RSPH6A: variants seen among roughly 807,000 people sequenced by gnomAD.
RSPH6A encodes radial spoke head protein 6 homolog A.
RSPH6A carries 49 observed loss-of-function variants against 66.1 expected under a neutral mutation model. That is an observed-to-expected ratio of 0.74 (90% CI 0.59 to 0.94). The LOEUF is 0.94. Ranked by LOEUF, RSPH6A falls within the 40% of genes least tolerant of loss-of-function variation. The pLI, the probability that RSPH6A is intolerant of heterozygous loss-of-function variation, is 0.00. For missense variants in RSPH6A, 977 were observed against 948.3 expected, an observed-to-expected ratio of 1.03 and a Z score of -0.40; for synonymous variants, 419 against 402.4, an observed-to-expected ratio of 1.04 and a Z score of -0.49.
chr19:45,803,260 G>A (rs1290985167), intron 3 of RSPH6A, among the ~76,000 whole-genome samples: 2 of 150,428 alleles, frequency 1.3e-5, no homozygotes, highest in Admixed American at 6.6e-5. Context: ...TGTGCCTGTA[G>A]TCCTAACTAC....
intron 1 of RSPH6A, among the ~76,000 whole-genome samples, chr19:45,813,629 G>A (rs1185549179): frequency 6.6e-6 from 1 of 152,220 alleles, no homozygotes; most frequent in Non-Finnish European, 1.5e-5. Flanking sequence ...ACAGGCGTGA[G>A]CCACCGCACC....
chr19:45,810,866 G>A, intron 1 of RSPH6A, 26 bp from the exon 2 acceptor site: 4 of 1,571,618 alleles, frequency 2.5e-6, no homozygotes, highest in Non-Finnish European at 3.5e-6. Context: ...GGAGTGGGAG[G>A]AGAGGGACCT....
At chr19:45,802,049 G>A (rs112763070) in intron 4 of RSPH6A, 71 bp downstream of exon 4, 2 of 1,333,600 alleles carry the variant, frequency 1.5e-6, no homozygotes, top group African/African-American at 1.5e-5. Flanking sequence ...GACCCCAGCA[G>A]TCCAGCCACC....
rs534380433 is a variant in RSPH6A at position 45,804,360 on chromosome 19, A to G, written c.1545T>C (p.Ala515=). 212 of 1,614,196 alleles carry G rather than the reference A, an allele frequency of 1.3e-4. 1 individual carries two copies. The East Asian group carries it at 4.3e-3, about 33-fold the overall frequency. The part of the protein sequence containing the change: ...EEGDEEEEGG[A]GRDSYEENPD... ...GGTTCTCCTCGTAGGAGTCGCGCCC[A>G]GCACCACCTTCCTCCTCCTCGTCGC... The change falls in exon 3 of 6, where the codon GCT becomes GCC. Residue 515 remains alanine, a synonymous_variant. Transcript: ENST00000221538. The surrounding 1 kb of genome is among the most constrained non-coding windows in gnomAD (Gnocchi z 5.8).
At position 45,810,618 on chromosome 19, in the gene RSPH6A, C is replaced by T. The variant is rs759344577; in HGVS notation, c.873G>A (p.Glu291=). Residue 291 remains glutamate (E), a synonymous_variant, in exon 2 of 6, where the codon GAG becomes GAA. Transcript: ENST00000221538. ...RSGGGTEGEQ[E]MEEEVGETPV... is the part of the protein sequence containing the mutation. The stretch of plus-strand genomic sequence containing the variant: ...GCTCACTCACCACCTCCTCCTCCAT[C>T]TCCTGTTCGCCTTCAGTGCCGCCTC... 3 of 1,614,110 alleles carry T rather than the reference C, an allele frequency of 1.9e-6. No individual in the cohort carries two copies. Among genetic ancestry groups the T allele is most frequent in the South Asian group, 1.1e-5 (1 of 91,078 alleles).
chr19:45,813,147 T>C (rs1243018233), intron 1 of RSPH6A, among the ~76,000 whole-genome samples: 1 of 152,028 alleles, frequency 6.6e-6, no homozygotes, highest in Non-Finnish European at 1.5e-5. Flanking sequence ...TTTCTCCCGC[T>C]CTCCCTCTTC....
chr19:45,804,246 G>A lies in RSPH6A; in HGVS notation c.1653+6C>T, dbSNP rs1405556143. 1.3e-6 allele frequency: 2 copies of A among 1,594,328 alleles called. No individual in the cohort carries two copies. Among genetic ancestry groups the A allele is most frequent in the South Asian group, 1.1e-5 (1 of 89,822 alleles). On this transcript the variant is annotated splice_donor_region_variant and intron_variant, in intron 3 of 5. Transcript: ENST00000221538. The surrounding 1 kb of genome is among the most constrained non-coding windows in gnomAD (Gnocchi z 5.8). ...GTTTGTGAGAGGCGGGAGTCCCGGC[G>A]CTCACCTGCGGCAGGATGTGCTGTG...
At chr19:45,796,634 T>A (rs992635770) in intron 5 of RSPH6A, among the ~76,000 whole-genome samples, 1 of 151,724 alleles carries the variant, frequency 6.6e-6, no homozygotes, top group Non-Finnish European at 1.5e-5. Flanking sequence ...CACCTCAGCT[T>A]CCCAAGTAGC....
chr19:45,797,995 A>G (rs1600470945), intron 5 of RSPH6A, among the ~76,000 whole-genome samples: 3 of 152,118 alleles, frequency 2.0e-5, no homozygotes, highest in African/African-American at 7.2e-5. Flanking sequence ...TTAACTAGAG[A>G]AGGAAGAGGA....
intron 1 of RSPH6A, among the ~76,000 whole-genome samples, chr19:45,811,510 T>A (rs1414682200): frequency 6.6e-6 from 1 of 151,422 alleles, no homozygotes; most frequent in Non-Finnish European, 1.5e-5. Flanking sequence ...CGACCTCAGC[T>A]CGCTGCAGTC....
chr19:45,807,186 C>T (rs1352193451), intron 2 of RSPH6A, among the ~76,000 whole-genome samples: 4 of 151,330 alleles, frequency 2.6e-5, no homozygotes, highest in African/African-American at 9.7e-5. Context: ...GCCACTGTGC[C>T]TGGCATATTA....
chr19:45,796,803 A>G (rs1295047713), intron 5 of RSPH6A, among the ~76,000 whole-genome samples: 1 of 151,810 alleles, frequency 6.6e-6, no homozygotes, highest in Non-Finnish European at 1.5e-5. Flanking sequence ...ATGAGCCACC[A>G]TGCCTGGCCT....
chr19:45,803,695 A>AAAG (rs202073108), intron 3 of RSPH6A, among the ~76,000 whole-genome samples: 9,283 of 148,484 alleles, frequency 0.063, 369 homozygotes, highest in African/African-American at 0.11. Context: ...AAAGAAAAGA[A>AAAG]AAAAAAAAAA....
chr19:45,812,080 C>T (rs541576440), intron 1 of RSPH6A, among the ~76,000 whole-genome samples: 2 of 135,632 alleles, frequency 1.5e-5, no homozygotes, highest in South Asian at 4.7e-4. Flanking sequence ...CGTGCCTGGC[C>T]AACATTTGTA....
rs1467647046 is a variant in RSPH6A at position 45,814,816 on chromosome 19, G to A, written c.361C>T (p.Gln121Ter). The A allele has an allele frequency of 1.2e-6, 2 of 1,613,960 alleles. No homozygotes were observed. The highest frequency in any genetic ancestry group is 1.1e-5 in the South Asian group (1 of 91,082). Residue 121 changes from glutamine (Q) to a stop codon, truncating the protein, a stop_gained, in exon 1 of 6, where the codon CAG (glutamine) becomes TAG (stop). Coordinates refer to ENST00000221538, the MANE Select transcript of RSPH6A (RefSeq NM_030785.4). LOFTEE classifies it high-confidence loss of function. ...CTGCTTTGGCCCTGCTGGAGCCGCT[G>A]CAGCATTAGGCTGGTGGTGAGCTCG... ...VAELTTSLML[Q>*]RLQQGQSSLF...
At chr19:45,799,335 G>T (rs891505789) in intron 5 of RSPH6A, among the ~76,000 whole-genome samples, 15 of 152,154 alleles carry the variant, frequency 9.9e-5, no homozygotes, top group African/African-American at 3.6e-4. Flanking sequence ...AGCTGGGTGG[G>T]AGGATGTAGG....
At position 45,800,480 on chromosome 19, in the gene RSPH6A, G is replaced by C; in HGVS notation, c.1882C>G (p.Leu628Val). Residue 628 changes from leucine to valine, a missense_variant, in exon 5 of 6, where the codon CTC (leucine) becomes GTC (valine). Transcript: ENST00000221538. ...GCATAGGCATAGGCCCCGGGCCAGA[G>C]GTTGGAGCGCACAACGGCCACTGAG... is the stretch of plus-strand genomic sequence containing the variant. ...QYSVAVVRSN[L>V]WPGAYAYASG... The C allele has an allele frequency of 6.2e-7, 1 of 1,613,518 alleles. No individual in the cohort carries two copies.
chr19:45,810,661 G>A lies in RSPH6A; in HGVS notation c.830C>T (p.Ala277Val), dbSNP rs770813972. ...GCCGCCTCCACTCCGGGTGAACAGCGCCTTCTGTTTCTCCGCCATCTTGTA... is the reference window on the plus strand; with the variant it reads ...GCCGCCTCCACTCCGGGTGAACAGCACCTTCTGTTTCTCCGCCATCTTGTA... ...PTYKMAEKQK[A>V]LFTRSGGGTE... is the part of the protein sequence containing the mutation. The change falls in exon 2 of 6, where the codon GCG becomes GTG. Residue 277 changes from alanine to valine, a missense_variant. Ala to Val is a moderately conservative substitution (Grantham distance 64). Coordinates refer to ENST00000221538, the MANE Select transcript of RSPH6A (RefSeq NM_030785.4). The A allele has an allele frequency of 1.4e-4, 228 of 1,613,826 alleles. No individual in the cohort carries two copies. Among genetic ancestry groups the A allele is most frequent in the Non-Finnish European group, 1.7e-4 (206 of 1,180,008 alleles).
intron 5 of RSPH6A, among the ~76,000 whole-genome samples, chr19:45,796,986 C>T (rs1351981462): frequency 2.0e-5 from 3 of 151,632 alleles, no homozygotes; most frequent in African/African-American, 4.9e-5. Context: ...GGAGGATTGC[C>T]GGAGCCCAGG....
Sources: allele counts gnomAD v4.1 joint callset (sites outside exome capture counted in the v4.1 genomes callset), GRCh38; gene constraint gnomAD v4.1.1; non-coding constraint Gnocchi (gnomAD v3.1); transcripts MANE v1.5; gene names NCBI Gene and HGNC (gene_info 2026-07-23, HGNC 2026-07-21).